Variants in RHOD observed in about 807,000 individuals in gnomAD.
RHOD encodes the protein rho-related GTP-binding protein RhoD.
In RHOD, 11 loss-of-function variants were observed where a neutral mutation model predicts 16.7. The observed-to-expected ratio is 0.66, with a 90% CI of 0.41 to 1.09. RHOD has a LOEUF of 1.09. RHOD is among the 50% of genes least tolerant of loss of function. RHOD has a pLI of 0.00. For missense variants in RHOD, 271 were observed against 291.7 expected, an observed-to-expected ratio of 0.93 and a Z score of 0.52; for synonymous variants, 124 against 126.3, an observed-to-expected ratio of 0.98 and a Z score of 0.12.
intron 1 of RHOD, among the ~76,000 whole-genome samples, chr11:67,060,706 G>A (rs188435246): frequency 2.0e-5 from 3 of 152,370 alleles, no homozygotes; most frequent in South Asian, 2.1e-4. Context: ...TTGTACTGAC[G>A]TTCCGAGCTT....
chr11:67,070,995 G>A (rs1398120911), intron 4 of RHOD, among the ~76,000 whole-genome samples: 1 of 152,178 alleles, frequency 6.6e-6, no homozygotes, highest in Non-Finnish European at 1.5e-5. Flanking sequence ...GCACTTGGGA[G>A]GCCGAGGTGG....
intron 1 of RHOD, among the ~76,000 whole-genome samples, chr11:67,062,867 C>T (rs1854909784): frequency 2.6e-5 from 4 of 152,258 alleles, no homozygotes. Context: ...GCCCAGCATC[C>T]CCTCAGAGCA....
intron 1 of RHOD, among the ~76,000 whole-genome samples, chr11:67,060,973 G>C (rs1278875741): frequency 6.6e-6 from 1 of 152,238 alleles, no homozygotes; most frequent in Non-Finnish European, 1.5e-5. Context: ...AGCTGCGGAG[G>C]GGCTGGGTGT....
intron 1 of RHOD, among the ~76,000 whole-genome samples, chr11:67,063,405 A>C (rs962611078): frequency 1.3e-5 from 2 of 151,920 alleles, no homozygotes; most frequent in Non-Finnish European, 2.9e-5. Flanking sequence ...AGGTAGGAGA[A>C]TCACCTGAGC....
chr11:67,063,208 A>C (rs1306400927), intron 1 of RHOD, among the ~76,000 whole-genome samples: 1 of 150,708 alleles, frequency 6.6e-6, no homozygotes, highest in Non-Finnish European at 1.5e-5. Flanking sequence ...TGGGCAACAT[A>C]GCAAGACCCC....
At chr11:67,064,060 C>CACGCCACT (rs913524452) in intron 1 of RHOD, among the ~76,000 whole-genome samples, 1 of 140,692 alleles carries the variant, frequency 7.1e-6, no homozygotes, top group Non-Finnish European at 1.5e-5. Flanking sequence ...GAGCCAAGAT[C>CACGCCACT]ACGCCACTGC....
intron 3 of RHOD, among the ~76,000 whole-genome samples, chr11:67,067,487 A>G (rs1854972236): frequency 1.3e-5 from 2 of 152,136 alleles, no homozygotes; most frequent in African/African-American, 2.4e-5. Flanking sequence ...CCCCCGGCCA[A>G]CCTTATGGAG....
intron 1 of RHOD, among the ~76,000 whole-genome samples, chr11:67,061,954 T>C (rs1487732950): frequency 2.0e-5 from 3 of 151,168 alleles, no homozygotes; most frequent in African/African-American, 7.3e-5. Context: ...GTGAGCAAGA[T>C]TGCACTACTG....
intron 3 of RHOD, among the ~76,000 whole-genome samples, chr11:67,069,081 C>A (rs1854993497): frequency 1.3e-5 from 2 of 151,802 alleles, no homozygotes; most frequent in African/African-American, 4.8e-5. Context: ...GATTCTCCTG[C>A]CTCAGCCTCC....
intron 1 of RHOD, among the ~76,000 whole-genome samples, chr11:67,060,420 G>A (rs1202805027): frequency 6.6e-6 from 1 of 152,228 alleles, no homozygotes; most frequent in Admixed American, 6.5e-5. Flanking sequence ...GACCCTGCCT[G>A]GGGGTCAAAG....
Position 67,056,871 on chromosome 11 carries a change from G to T in RHOD, c.-32G>T. On this transcript the variant is annotated 5_prime_UTR_variant, in exon 1 of 5. Coordinates refer to ENST00000308831, the MANE Select transcript of RHOD (RefSeq NM_014578.4). Reference sequence around the variant, plus strand: ...CAGTCTGGGTCTCTGCGCCGCAGCCGCCCGCCCGCCCGCTCAGCGCCCGGC... The same window carrying T: ...CAGTCTGGGTCTCTGCGCCGCAGCCTCCCGCCCGCCCGCTCAGCGCCCGGC... 7.4e-7 allele frequency: 1 copy of T among 1,353,056 alleles called. No homozygotes were observed. The highest frequency in any genetic ancestry group is 9.4e-7 in the Non-Finnish European group (1 of 1,063,536). The allele number at this position is 1,353,056 out of a possible 1,614,324, so 83.8% of individuals were successfully genotyped here. A position where few individuals can be genotyped will look rare whatever the true frequency, so the allele number is the denominator to read the frequency against.
At chr11:67,059,860 C>CT (rs1287130487) in intron 1 of RHOD, among the ~76,000 whole-genome samples, 3 of 152,260 alleles carry the variant, frequency 2.0e-5, no homozygotes, top group African/African-American at 7.2e-5. Flanking sequence ...AGCCAGGAGG[C>CT]TGGAGTCCCA....
intron 1 of RHOD, 102 bp downstream of exon 1, chr11:67,057,136 AGGGGTGTCCCAGC>A: frequency 7.7e-7 from 1 of 1,294,794 alleles, no homozygotes; most frequent in Non-Finnish European, 9.8e-7. Flanking sequence ...CCGGCCTCCG[AGGGGTGTCCCAGC>A]GGGGCCTGGG....
Position 67,071,476 on chromosome 11 carries a change from C to G in RHOD, c.507C>G (p.Leu169=). ...GGTCCGTGGGCGCGGTGGCCTACCT[C>G]GAGTGCTCGGCTCGGCTCCATGACA... The part of the protein sequence containing the change: ...MARSVGAVAY[L]ECSARLHDNV... The change falls in exon 5 of 5, where the codon CTC becomes CTG. Residue 169 remains leucine (L), a synonymous_variant. Transcript: ENST00000308831. The G allele has an allele frequency of 2.5e-6, 4 of 1,606,988 alleles. No individual in the cohort carries two copies. Among genetic ancestry groups the G allele is most frequent in the Non-Finnish European group, 3.4e-6 (4 of 1,177,678 alleles).
At position 67,070,522 on chromosome 11, in the gene RHOD, T is replaced by C. The variant is rs1347065727; in HGVS notation, c.428T>C (p.Leu143Pro). ...AAGGACAAATCACTGGTGAACAAGCTCCGAAGAAACGGATTGGAGCCTGTG... is the reference window on the plus strand; with the variant it reads ...AAGGACAAATCACTGGTGAACAAGCCCCGAAGAAACGGATTGGAGCCTGTG... ...LRKDKSLVNK[L>P]RRNGLEPVTY... Residue 143 changes from leucine to proline, a missense_variant, in exon 4 of 5, where the codon CTC becomes CCC. Physicochemically the swap from Leu to Pro is moderately conservative, Grantham distance 98. Coordinates refer to ENST00000308831, the MANE Select transcript of RHOD (RefSeq NM_014578.4). 3 of 1,613,824 alleles carry C rather than the reference T, an allele frequency of 1.9e-6. No individual in the cohort carries two copies. The highest frequency in any genetic ancestry group is 2.5e-6 in the Non-Finnish European group (3 of 1,179,962).
At chr11:67,070,606 G>T in intron 4 of RHOD, 47 bp downstream of exon 4, 1 of 1,610,296 alleles carries the variant, frequency 6.2e-7, no homozygotes, top group South Asian at 1.1e-5. Flanking sequence ...CTGAGTGAGG[G>T]GACCTCTGGA....
At chr11:67,059,903 G>A (rs1459835915) in intron 1 of RHOD, among the ~76,000 whole-genome samples, 1 of 152,266 alleles carries the variant, frequency 6.6e-6, no homozygotes, top group Non-Finnish European at 1.5e-5. Flanking sequence ...GCAAAGGGCT[G>A]AGAGCAGCCT....
chr11:67,066,098 CAGG>C, intron 2 of RHOD, 115 bp downstream of exon 2: 1 of 836,190 alleles, frequency 1.2e-6, no homozygotes, highest in South Asian at 1.7e-5. Flanking sequence ...CTCCAAGGGA[CAGG>C]TGTGGGCCAG....
At chr11:67,057,584 C>G (rs1235436679) in intron 1 of RHOD, among the ~76,000 whole-genome samples, 1 of 152,228 alleles carries the variant, frequency 6.6e-6, no homozygotes, top group Non-Finnish European at 1.5e-5. Flanking sequence ...ACATTGTCTC[C>G]CTTCCAGCTC....
Sources: gnomAD v4.1 joint callset for allele counts (sites outside exome capture counted in the v4.1 genomes callset) on GRCh38, gnomAD v4.1.1 for gene constraint, MANE v1.5 for transcripts, NCBI Gene and HGNC (gene_info 2026-07-23, HGNC 2026-07-21) for gene names.